The following GPHN variants were observed in gnomAD, a reference collection of about 807,000 sequenced individuals.
GPHN encodes gephyrin.
GPHN carries 17 observed loss-of-function variants against 95.5 expected under a neutral mutation model. That is an observed-to-expected ratio of 0.18 (90% CI 0.12 to 0.27). The LOEUF (loss-of-function observed/expected upper bound fraction) is 0.27. Ranked by LOEUF, GPHN falls within the 10% of genes least tolerant of loss-of-function variation. The probability of loss-of-function intolerance (pLI) is 1.00; values close to 1 mark genes in which losing one functional copy is unlikely to be tolerated. For synonymous variants in GPHN, 320 were observed against 322.5 expected (o/e 0.99, Z 0.08); for missense variants, 660 against 978.1 (o/e 0.67, Z 4.34).
rs928578915 is a variant in GPHN, at chr14:66,623,632, A to G, written c.65-57475A>G. 2.0e-5 allele frequency among the ~76,000 whole-genome samples: 3 copies of G among 151,596 alleles called. No homozygotes were observed. The East Asian group carries it at 5.8e-4, about 29-fold the overall frequency. ...GACTCTGTTTCAAAAAAAAAAAAAA[A>G]AAAAAAGCAAAGTCATGCTTATTGG... is the stretch of plus-strand genomic sequence containing the variant. On this transcript the variant is annotated intron_variant, in intron 1 of 22. Coordinates refer to ENST00000478722, the MANE Select transcript of GPHN (RefSeq NM_020806.5).
chr14:66,658,078 A>G (rs909187983), intron 1 of GPHN, among the ~76,000 whole-genome samples: 5 of 152,194 alleles, frequency 3.3e-5, no homozygotes, highest in African/African-American at 1.2e-4. Context: ...CAGCATTAAT[A>G]AAACTTTAGA....
intron 3 of GPHN, among the ~76,000 whole-genome samples, chr14:66,820,953 T>A (rs2061168810): frequency 1.3e-5 from 2 of 152,164 alleles, no homozygotes; most frequent in Admixed American, 1.3e-4. Flanking sequence ...AATAATTTTT[T>A]AAAGAAATAT....
At chr14:67,328,203 G>C in the GPHN span, among the ~76,000 whole-genome samples, 2 of 152,124 alleles carry the variant, frequency 1.3e-5, no homozygotes, top group African/African-American at 4.8e-5. Flanking sequence ...ATCTCATTGT[G>C]GTTTTGATTT....
At chr14:67,144,246 A>ATAT (rs1237842407) in intron 18 of GPHN, among the ~76,000 whole-genome samples, 28 of 65,580 alleles carry the variant, frequency 4.3e-4, no homozygotes, top group East Asian at 1.9e-3. Flanking sequence ...TAAAAAAAAA[A>ATAT]AAAAATATAT....
chr14:67,017,775 C>T (rs1408561315), intron 9 of GPHN, among the ~76,000 whole-genome samples: 3 of 151,990 alleles, frequency 2.0e-5, no homozygotes, highest in African/African-American at 2.4e-5. Context: ...CTGTAGGATA[C>T]CCAGATATCT....
the GPHN span, among the ~76,000 whole-genome samples, chr14:67,634,246 C>T: frequency 7.9e-5 from 12 of 152,156 alleles, no homozygotes; most frequent in South Asian, 1.0e-3. Context: ...ATTTTTAAAA[C>T]GTATGACTCA....
At chr14:66,709,062 T>C (rs1239817513) in intron 2 of GPHN, among the ~76,000 whole-genome samples, 1 of 152,146 alleles carries the variant, frequency 6.6e-6, no homozygotes, top group Non-Finnish European at 1.5e-5. Flanking sequence ...TACAGTATTA[T>C]AATGTGTCAG....
chr14:66,555,266 A>G (rs564555495), intron 1 of GPHN, among the ~76,000 whole-genome samples: 1 of 152,328 alleles, frequency 6.6e-6, no homozygotes, highest in Admixed American at 6.5e-5. Flanking sequence ...ATGGACACAT[A>G]TTTGCCTAAA....
At chr14:67,644,830 T>C in the GPHN span, among the ~76,000 whole-genome samples, 149,921 of 152,128 alleles carry the variant, frequency 0.99, 73,894 homozygotes, top group South Asian at 1. Flanking sequence ...AACCCCATCT[T>C]TACTAAAAAT....
At chr14:67,688,598 C>CTT in the GPHN span, among the ~76,000 whole-genome samples, 124 of 136,510 alleles carry the variant, frequency 9.1e-4, 1 homozygote, top group African/African-American at 2.0e-3. Context: ...GCTTTGAACT[C>CTT]TTTTTTTTTT....
intron 2 of GPHN, among the ~76,000 whole-genome samples, chr14:66,695,517 C>G (rs2068051527): frequency 6.6e-6 from 1 of 152,114 alleles, no homozygotes; most frequent in Non-Finnish European, 1.5e-5. Context: ...GGTATTTATC[C>G]AAATGTGTTG....
chr14:67,654,969 C>A, the GPHN span, among the ~76,000 whole-genome samples: 1 of 139,884 alleles, frequency 7.1e-6, no homozygotes, highest in African/African-American at 2.7e-5. Context: ...GCGGAGCTTG[C>A]AGCGAGCCGA....
intron 2 of GPHN, among the ~76,000 whole-genome samples, chr14:66,704,063 A>C (rs1215928794): frequency 6.6e-6 from 1 of 152,184 alleles, no homozygotes; most frequent in African/African-American, 2.4e-5. Flanking sequence ...AGATCAAAAA[A>C]AGACAAAGAA....
rs561458564 is a variant in GPHN, at chr14:66,508,504, A to T, written c.-24A>T. 4.3e-6 allele frequency: 7 copies of T among 1,611,810 alleles called. No individual in the cohort carries two copies. In the Admixed American group the frequency reaches 1.2e-4, roughly 27 times the overall value. ...GCTCCGGTTTCTCCCGGCTCCTGTC[A>T]GTGCGGTGACTGCGCTGGGAAACAT... On this transcript the variant is annotated 5_prime_UTR_variant, in exon 1 of 23. Coordinates refer to ENST00000478722, the MANE Select transcript of GPHN (RefSeq NM_020806.5).
At chr14:66,873,855 C>T (rs1645044604) in intron 4 of GPHN, among the ~76,000 whole-genome samples, 1 of 152,196 alleles carries the variant, frequency 6.6e-6, no homozygotes, top group Admixed American at 6.5e-5. Context: ...TCCTTCCTGC[C>T]AGCTCCTAAG....
At position 66,578,147 on chromosome 14, in the gene GPHN, A is replaced by G. The variant is rs1296719956; in HGVS notation, c.64+69556A>G. 1.3e-5 allele frequency among the ~76,000 whole-genome samples: 2 copies of G among 151,726 alleles called. 1 individual carries two copies. Among genetic ancestry groups the G allele is most frequent in the East Asian group, 3.9e-4 (2 of 5,164 alleles). ...CATTTTTAATCAACTCAGTTTTTAA[A>G]CAAAAATTTATAAATATGGCTGAAC... On this transcript the variant is annotated intron_variant, in intron 1 of 22. Transcript: ENST00000478722.
At chr14:67,654,390 A>C in the GPHN span, among the ~76,000 whole-genome samples, 2 of 151,868 alleles carry the variant, frequency 1.3e-5, no homozygotes, top group Admixed American at 1.3e-4. Context: ...CCATCCTCCC[A>C]CCTCAGCCTC....
chr14:67,587,617 T>C, the GPHN span: 8 of 285,702 alleles, frequency 2.8e-5, no homozygotes, highest in Admixed American at 5.0e-5. Flanking sequence ...GGGGACACAG[T>C]GTCACTATGT....
chr14:67,347,510 TTTTTTTC>T, the GPHN span: 1 of 1,485,806 alleles, frequency 6.7e-7, no homozygotes. Flanking sequence ...CTCTTTTTTT[TTTTTTTC>T]TGAGACGGAG....
Sources: gnomAD v4.1 joint callset for allele counts (sites outside exome capture counted in the v4.1 genomes callset) on GRCh38, gnomAD v4.1.1 for gene constraint, MANE v1.5 for transcripts, NCBI Gene and HGNC (gene_info 2026-07-23, HGNC 2026-07-21) for gene names.